Variants in PTPRM observed in about 807,000 individuals in gnomAD.
PTPRM encodes the protein protein tyrosine phosphatase receptor type M.
Under a neutral mutation model 186.7 loss-of-function variants are expected in PTPRM, and 47 were observed. That is an observed-to-expected ratio of 0.25 (90% confidence interval 0.20 to 0.32). The LOEUF is 0.32. Among genes scored for constraint, PTPRM ranks in the 10% least tolerant of loss-of-function variants. The pLI is 1.00. For missense variants in PTPRM, 1,494 were observed against 1,865.0 expected (o/e 0.80, Z 3.66); for synonymous variants, 668 against 674.9 (o/e 0.99, Z 0.16).
chr18:8,185,481 C>T (rs761013748), intron 14 of PTPRM, among the ~76,000 whole-genome samples: 1 of 152,194 alleles, frequency 6.6e-6, no homozygotes, highest in Non-Finnish European at 1.5e-5. Context: ...GGTGTTTGGG[C>T]CTCTGCCCTG....
chr18:8,322,765 C>T (rs1348713713), intron 22 of PTPRM, among the ~76,000 whole-genome samples: 1 of 152,132 alleles, frequency 6.6e-6, no homozygotes, highest in Non-Finnish European at 1.5e-5. Flanking sequence ...GGATAGAACA[C>T]CTGCTGGCCT....
intron 7 of PTPRM, among the ~76,000 whole-genome samples, chr18:8,026,427 G>A (rs998989634): frequency 3.9e-5 from 6 of 152,150 alleles, no homozygotes; most frequent in Admixed American, 3.9e-4. Flanking sequence ...AAGAAATTGG[G>A]ATACAAAATC....
chr18:8,072,993 C>G (rs878875697), intron 8 of PTPRM, among the ~76,000 whole-genome samples: 1 of 132,210 alleles, frequency 7.6e-6, no homozygotes, highest in Admixed American at 7.9e-5. Context: ...AACTATTCTA[C>G]TGCCATTTAC....
intron 19 of PTPRM, among the ~76,000 whole-genome samples, chr18:8,281,128 C>G (rs1023441065): frequency 6.6e-6 from 1 of 152,188 alleles, no homozygotes; most frequent in Non-Finnish European, 1.5e-5. Flanking sequence ...CATCATATCC[C>G]ACAGCAACTG....
chr18:8,400,065 T>A (rs1213385994), intron 32 of PTPRM, among the ~76,000 whole-genome samples: 3 of 152,072 alleles, frequency 2.0e-5, no homozygotes, highest in African/African-American at 4.8e-5. Context: ...CACAGGTTAG[T>A]GTAGGGGACC....
chr18:8,325,409 T>C (rs1210102126), intron 22 of PTPRM, among the ~76,000 whole-genome samples: 1 of 152,178 alleles, frequency 6.6e-6, no homozygotes, highest in Non-Finnish European at 1.5e-5. Flanking sequence ...AGTGAGAACA[T>C]ACAGTGTTTG....
chr18:8,376,845 A>G, intron 26 of PTPRM: 2 of 434,460 alleles, frequency 4.6e-6, no homozygotes, highest in East Asian at 4.3e-5. Flanking sequence ...ACTTTTCTGT[A>G]TTAAGGGACC....
chr18:8,052,297 A>C (rs1434914849), intron 7 of PTPRM, among the ~76,000 whole-genome samples: 1 of 152,140 alleles, frequency 6.6e-6, no homozygotes, highest in African/African-American at 2.4e-5. Context: ...AGGCCTAGAG[A>C]GTTTTATAGG....
chr18:8,232,182 G>A (rs1210409017), intron 14 of PTPRM, among the ~76,000 whole-genome samples: 2 of 152,172 alleles, frequency 1.3e-5, no homozygotes, highest in Non-Finnish European at 2.9e-5. Flanking sequence ...TTAGGTCAGT[G>A]CAAAAGCAAT....
At chr18:8,321,918 T>C (rs1375157071) in intron 22 of PTPRM, among the ~76,000 whole-genome samples, 1 of 152,130 alleles carries the variant, frequency 6.6e-6, no homozygotes, top group African/African-American at 2.4e-5. Context: ...GTAATCAAGA[T>C]CACTGATGAT....
chr18:7,833,532 G>A (rs1164660072), intron 2 of PTPRM, among the ~76,000 whole-genome samples: 1 of 152,126 alleles, frequency 6.6e-6, no homozygotes. Context: ...TCAGGAGTTT[G>A]AGACCAGCAT....
intron 2 of PTPRM, among the ~76,000 whole-genome samples, chr18:7,796,862 T>C (rs1362355157): frequency 6.6e-6 from 1 of 152,248 alleles, no homozygotes; most frequent in Admixed American, 6.5e-5. Context: ...GGAATTTTCT[T>C]GTCATTTCCC....
chr18:8,126,926 G>A (rs1334169285), intron 13 of PTPRM, among the ~76,000 whole-genome samples: 1 of 152,108 alleles, frequency 6.6e-6, no homozygotes, highest in African/African-American at 2.4e-5. Flanking sequence ...GGGGTGAGCA[G>A]TAAGGTGATA....
intron 2 of PTPRM, among the ~76,000 whole-genome samples, chr18:7,849,309 C>G (rs1449609668): frequency 2.0e-5 from 3 of 152,198 alleles, no homozygotes; most frequent in African/African-American, 7.2e-5. Context: ...CTGGAGAAGG[C>G]TGGTGTGTGG....
intron 1 of PTPRM, among the ~76,000 whole-genome samples, chr18:7,746,977 T>C (rs1232439541): frequency 6.6e-6 from 1 of 152,138 alleles, no homozygotes; most frequent in Non-Finnish European, 1.5e-5. Context: ...TTTCTCCCGG[T>C]GTGAACTCCC....
chr18:7,902,891 G>A (rs893996786), intron 3 of PTPRM, among the ~76,000 whole-genome samples: 2 of 144,538 alleles, frequency 1.4e-5, no homozygotes, highest in African/African-American at 5.3e-5. Flanking sequence ...ACCCTGTATA[G>A]CTTTAAACAA....
chr18:7,981,298 T>A (rs926435145), intron 7 of PTPRM, among the ~76,000 whole-genome samples: 5 of 152,112 alleles, frequency 3.3e-5, no homozygotes, highest in African/African-American at 9.7e-5. Context: ...CCTGCTACAC[T>A]GGAAGCCTGA....
At chr18:7,975,880 A>G (rs976492097) in intron 7 of PTPRM, among the ~76,000 whole-genome samples, 41 of 152,192 alleles carry the variant, frequency 2.7e-4, no homozygotes, top group African/African-American at 9.6e-4. Context: ...CTTAGAATGT[A>G]TCTCTGTTGG....
intron 19 of PTPRM, among the ~76,000 whole-genome samples, chr18:8,279,739 CTG>C (rs200310843): frequency 0.014 from 2,078 of 152,302 alleles, 17 homozygotes; most frequent in Middle Eastern, 0.027. Flanking sequence ...CAGAGATTGT[CTG>C]TGTGTATCCA....
Sources: allele counts gnomAD v4.1 joint callset (sites outside exome capture counted in the v4.1 genomes callset), GRCh38; gene constraint gnomAD v4.1.1; transcripts MANE v1.5; gene names NCBI Gene and HGNC (gene_info 2026-07-23, HGNC 2026-07-21).